Variants in TNRC18 observed in about 807,000 individuals in gnomAD.
The protein encoded by TNRC18 is trinucleotide repeat containing 18, also known as trinucleotide repeat-containing gene 18 protein.
TNRC18 carries 69 observed loss-of-function variants against 226.7 expected under a neutral mutation model. The observed-to-expected ratio is 0.30, with a 90% CI of 0.25 to 0.37. The LOEUF is 0.37. Ranked by LOEUF, TNRC18 falls within the 10% of genes least tolerant of loss-of-function variation. The pLI, the probability that TNRC18 is intolerant of heterozygous loss-of-function variation, is 1.00. For missense variants in TNRC18, 4,754 were observed against 4,256.6 expected (o/e 1.12, Z -3.25); for synonymous variants, 2,449 against 1,927.6 (o/e 1.27, Z -7.09).
chr7:5,368,427 C>T (rs1793828366), intron 11 of TNRC18, among the ~76,000 whole-genome samples: 1 of 152,034 alleles, frequency 6.6e-6, no homozygotes, highest in Non-Finnish European at 1.5e-5. Flanking sequence ...CTTTGGGTGG[C>T]CAAGGCGGGT....
chr7:5,362,100 C>A, intron 12 of TNRC18, 67 bp from the exon 13 acceptor site: 1 of 1,564,222 alleles, frequency 6.4e-7, no homozygotes, highest in South Asian at 1.2e-5. Flanking sequence ...CCACCGCCCA[C>A]CCAGGGGTGC....
chr7:5,318,733 A>C (rs1788080136), intron 24 of TNRC18, among the ~76,000 whole-genome samples: 1 of 152,198 alleles, frequency 6.6e-6, no homozygotes, highest in Non-Finnish European at 1.5e-5. Flanking sequence ...CAACATGGGA[A>C]GCAAGATAAA....
At chr7:5,376,689 C>T (rs774684963) in intron 8 of TNRC18, among the ~76,000 whole-genome samples, 158 bp downstream of exon 8, 1 of 152,310 alleles carries the variant, frequency 6.6e-6, no homozygotes, top group East Asian at 1.9e-4. Flanking sequence ...CAAGGCTTTA[C>T]AACACTGGCA....
chr7:5,313,969 G>T (rs1787580562), intron 26 of TNRC18, 106 bp from the exon 27 acceptor site: 7 of 1,134,592 alleles, frequency 6.2e-6, no homozygotes, highest in Admixed American at 7.5e-5. Flanking sequence ...TTTTGTTTTT[G>T]TTTTTTTTTT....
Position 5,345,517 on chromosome 7 carries a change from G to GGCCCCCCCCCCCCCCCCCCCC in TNRC18, c.5719+44_5719+45insGGGGGGGGGGGGGGGGGGGGC. The GGCCCCCCCCCCCCCCCCCCCC allele has an allele frequency of 3.2e-5, 12 of 377,742 alleles. 1 individual carries two copies. Among genetic ancestry groups the GGCCCCCCCCCCCCCCCCCCCC allele is most frequent in the South Asian group, 8.8e-5 (2 of 22,820 alleles). 23.4% of individuals were successfully genotyped at this position (377,742 alleles called of 1,614,324 possible). A position where few individuals can be genotyped will look rare whatever the true frequency, so the allele number is the denominator to read the frequency against. ...CCTGTGGGATGGGGCAATGGCGTCC[G>GGCCCCCCCCCCCCCCCCCCCC]CCCCTCCCACCCACCCCCACCGCAG... On this transcript the variant is annotated intron_variant, in intron 18 of 29. Coordinates refer to ENST00000430969, the MANE Select transcript of TNRC18 (RefSeq NM_001080495.3).
intron 19 of TNRC18, chr7:5,330,075 G>A (rs1216011064): frequency 2.3e-6 from 1 of 443,988 alleles, no homozygotes; most frequent in Non-Finnish European, 4.7e-6. Context: ...TGTGTGGTAG[G>A]TGCCCCCCAA....
At chr7:5,420,132 C>A in intron 2 of TNRC18, 1 of 326,272 alleles carries the variant, frequency 3.1e-6, no homozygotes, top group South Asian at 2.2e-5. Flanking sequence ...GCAGCGGCCG[C>A]GGACTGACTG....
intron 2 of TNRC18, among the ~76,000 whole-genome samples, chr7:5,410,525 CA>C (rs1781772163): frequency 6.6e-6 from 1 of 151,794 alleles, no homozygotes; most frequent in South Asian, 2.1e-4. Flanking sequence ...AAAAAGACCC[CA>C]TAACAAAACA....
chr7:5,374,172 AGGCGGGCGGCGGGCT>A lies in TNRC18; in HGVS notation c.3097_3111del (p.Ala1037_Pro1041del). 3 of 319,272 alleles carry A rather than the reference AGGCGGGCGGCGGGCT, an allele frequency of 9.4e-6. No homozygotes were observed. The highest frequency in any genetic ancestry group is 1.1e-4 in the South Asian group (1 of 8,846). The allele number at this position is 319,272 out of a possible 1,614,324, so 19.8% of individuals were successfully genotyped here. Reference sequence around the variant, plus strand: ...GTGATACCCGGGGTGGGCGGTGGGGAGGCGGGCGGCGGGCTGGTGGGGTGGGAGCTGGGGGTGGCG... The same window carrying A: ...GTGATACCCGGGGTGGGCGGTGGGGAGGTGGGGTGGGAGCTGGGGGTGGCG... On this transcript the variant is annotated inframe_deletion, in exon 10 of 30. Coordinates refer to ENST00000430969, the MANE Select transcript of TNRC18 (RefSeq NM_001080495.3).
intron 16 of TNRC18, among the ~76,000 whole-genome samples, chr7:5,353,530 A>G (rs758622751): frequency 3.4e-4 from 49 of 144,252 alleles, no homozygotes; most frequent in Non-Finnish European, 5.6e-4. Flanking sequence ...ACTGCACTCC[A>G]GCCTGGGCGA....
chr7:5,398,625 C>CA (rs1175656425), intron 2 of TNRC18, among the ~76,000 whole-genome samples: 1 of 135,520 alleles, frequency 7.4e-6, no homozygotes, highest in East Asian at 2.3e-4. Flanking sequence ...GGCCTCTTTT[C>CA]TTTTTTTTAA....
At chr7:5,398,957 G>A (rs556236688) in intron 2 of TNRC18, among the ~76,000 whole-genome samples, 12 of 152,216 alleles carry the variant, frequency 7.9e-5, no homozygotes, top group South Asian at 2.1e-4. Context: ...CAGGGCCAAC[G>A]CAAAGAGATA....
intron 10 of TNRC18, among the ~76,000 whole-genome samples, chr7:5,373,458 A>G (rs557057761): frequency 1.3e-5 from 2 of 152,304 alleles, no homozygotes; most frequent in South Asian, 2.1e-4. Context: ...GAAACTGACA[A>G]AGGAGAGACA....
At chr7:5,393,097 C>G (rs937273265) in intron 3 of TNRC18, among the ~76,000 whole-genome samples, 1 of 152,230 alleles carries the variant, frequency 6.6e-6, no homozygotes, top group Non-Finnish European at 1.5e-5. Flanking sequence ...CTGTGGTAAG[C>G]ACCCTGTGTG....
rs867733194 is a variant in TNRC18 at position 5,315,434 on chromosome 7, T to G, written c.6863-286A>C. On this transcript the variant is annotated intron_variant, in intron 25 of 29. Coordinates refer to ENST00000430969, the MANE Select transcript of TNRC18 (RefSeq NM_001080495.3). ...TTGTTGGGTTTTTTTTTTTTTTTTT[T>G]TTTTTTTTAAAACAGAGTCTCGCTC... Among the ~76,000 whole-genome samples, 345 of 151,894 alleles carry G rather than the reference T, an allele frequency of 2.3e-3. 4 individuals are homozygous for G. Among genetic ancestry groups the G allele is most frequent in the Middle Eastern group, 6.8e-3 (2 of 294 alleles).
Position 5,313,466 on chromosome 7 carries a change from C to T in TNRC18, c.7425G>A (p.Lys2475=). The T allele has an allele frequency of 1.2e-6, 2 of 1,613,136 alleles. No homozygotes were observed. The highest frequency in any genetic ancestry group is 1.7e-6 in the Non-Finnish European group (2 of 1,179,506). ...GGAGCAGCAGGGCCTCTTTAGCCTT[C>T]TTGCTTTTGGGTGACGTGACACCCT... ...DHEGVTSPKS[K]KAKEALLLRE... is the part of the protein sequence containing the mutation. The change falls in exon 27 of 30, where the codon AAG becomes AAA. Residue 2475 remains lysine, a synonymous_variant. Transcript: ENST00000430969.
chr7:5,415,369 C>CTTTTTTTTTT (rs368389351), intron 2 of TNRC18, among the ~76,000 whole-genome samples: 1 of 83,094 alleles, frequency 1.2e-5, no homozygotes. Flanking sequence ...CTGTGTCCCT[C>CTTTTTTTTTT]TTTTTTTTTT....
At chr7:5,402,605 G>A (rs536316495) in intron 2 of TNRC18, among the ~76,000 whole-genome samples, 3 of 151,990 alleles carry the variant, frequency 2.0e-5, no homozygotes, top group Non-Finnish European at 4.4e-5. Flanking sequence ...TGTAATCCCA[G>A]CACTTTGGGA....
At chr7:5,341,439 G>A (rs1484195968) in intron 18 of TNRC18, among the ~76,000 whole-genome samples, 2 of 118,072 alleles carry the variant, frequency 1.7e-5, no homozygotes, top group Non-Finnish European at 3.5e-5. Context: ...AAAAAAAAAA[G>A]ATGCTGAATC....
Sources: gnomAD v4.1 joint callset for allele counts (sites outside exome capture counted in the v4.1 genomes callset) on GRCh38, gnomAD v4.1.1 for gene constraint, MANE v1.5 for transcripts, NCBI Gene and HGNC (gene_info 2026-07-23, HGNC 2026-07-21) for gene names.